SCNN1B: variants seen among roughly 807,000 people sequenced by gnomAD.
The protein encoded by SCNN1B is epithelial sodium channel subunit beta.
A neutral mutation model predicts 65.3 loss-of-function variants in SCNN1B; 46 were observed. The observed-to-expected ratio is 0.70, with a 90% CI of 0.56 to 0.90. SCNN1B has a LOEUF of 0.90. Ranked by LOEUF, SCNN1B falls within the 40% of genes least tolerant of loss-of-function variation. The pLI, the probability that SCNN1B is intolerant of heterozygous loss-of-function variation, is 0.00. For synonymous variants in SCNN1B, 349 were observed against 330.6 expected (o/e 1.06, Z -0.60); for missense variants, 751 against 830.5 (o/e 0.90, Z 1.18).
At chr16:23,351,693 G>A (rs1962312072) in intron 2 of SCNN1B, among the ~76,000 whole-genome samples, 1 of 152,204 alleles carries the variant, frequency 6.6e-6, no homozygotes, top group African/African-American at 2.4e-5. Context: ...AATTGGACAT[G>A]AAGTGACTGG....
rs1567290390 is a variant in SCNN1B, at chr16:23,305,565, TATATATATATA to T, written c.-9+3129_-9+3139del. 2.4e-4 allele frequency among the ~76,000 whole-genome samples: 13 copies of T among 54,196 alleles called. 1 individual carries two copies. The highest frequency in any genetic ancestry group is 1.2e-3 in the African/African-American group (13 of 10,482). 35.6% of individuals were successfully genotyped at this position (54,196 alleles called of 152,430 possible). On this transcript the variant is annotated intron_variant, in intron 1 of 12. Transcript: ENST00000343070. ...ATATATATATATATATATATATATA[TATATATATATA>T]TTATATATATATATATATATATAAC... is the stretch of plus-strand genomic sequence containing the variant.
intron 1 of SCNN1B, among the ~76,000 whole-genome samples, chr16:23,335,416 T>G (rs942939851): frequency 2.0e-5 from 3 of 151,438 alleles, no homozygotes; most frequent in African/African-American, 7.3e-5. Flanking sequence ...CCTCCCAAAG[T>G]GCTGGGATTA....
chr16:23,324,302 C>T (rs1045194759), intron 1 of SCNN1B, among the ~76,000 whole-genome samples: 8 of 151,988 alleles, frequency 5.3e-5, no homozygotes, highest in South Asian at 4.1e-4. Flanking sequence ...AACCTCTCAC[C>T]TCAGCCTCCC....
rs535147947 is a variant in SCNN1B, at chr16:23,293,689, G to A, written n.178+9885G>A. ...TGCCTGTGATCCCAGCACTTTGGGAGGCTGAGACATGAGGATCACTTGAGT... is the reference window on the plus strand; with the variant it reads ...TGCCTGTGATCCCAGCACTTTGGGAAGCTGAGACATGAGGATCACTTGAGT... On this transcript the variant is annotated intron_variant and non_coding_transcript_variant, in intron 2 of 3. Transcript: ENST00000569789. Among the ~76,000 whole-genome samples, 395 of 152,264 alleles carry A rather than the reference G, an allele frequency of 2.6e-3. 5 individuals carry two copies. The highest frequency in any genetic ancestry group is 8.9e-3 in the African/African-American group (368 of 41,554).
At chr16:23,365,419 GAGAA>G (rs1260593071) in intron 4 of SCNN1B, among the ~76,000 whole-genome samples, 4 of 141,944 alleles carry the variant, frequency 2.8e-5, no homozygotes, top group African/African-American at 2.6e-5. Flanking sequence ...GAGAAAGAAA[GAGAA>G]AGAAAGGAAG....
intron 1 of SCNN1B, among the ~76,000 whole-genome samples, chr16:23,309,547 C>A (rs1961296005): frequency 6.6e-6 from 1 of 152,166 alleles, no homozygotes; most frequent in African/African-American, 2.4e-5. Context: ...GTCCGAGCCC[C>A]AAAACAGAAG....
chr16:23,307,633 T>G (rs1035698646), intron 1 of SCNN1B, among the ~76,000 whole-genome samples: 4 of 152,198 alleles, frequency 2.6e-5, no homozygotes, highest in African/African-American at 4.8e-5. Context: ...TGTGCTCCTT[T>G]ATGCCCCTTG....
At chr16:23,340,897 A>AGT (rs60710187) in intron 1 of SCNN1B, among the ~76,000 whole-genome samples, 17,153 of 150,730 alleles carry the variant, frequency 0.11, 1,098 homozygotes, top group African/African-American at 0.17. Flanking sequence ...GTTGCTTTGA[A>AGT]GTGTGTGTGT....
In SCNN1B at chr16:23,292,772, A is replaced by G. The variant is rs538472916; in HGVS notation, n.178+8968A>G. The stretch of plus-strand genomic sequence containing the variant: ...GCCCACCTCGGCCTCCCAAAGTGCT[A>G]AGATTATGGGCATGAGCCACTGTGC... On this transcript the variant is annotated intron_variant and non_coding_transcript_variant, in intron 2 of 3. Coordinates refer to the SCNN1B transcript ENST00000569789. Among the ~76,000 whole-genome samples the G allele has an allele frequency of 1.5e-4, 22 of 150,522 alleles. No homozygotes were observed. The South Asian group carries it at 4.6e-3, about 31-fold the overall frequency.
Position 23,348,457 on chromosome 16 carries a change from G to T in SCNN1B, c.-8-135G>T. 2.9e-6 allele frequency: 2 copies of T among 690,756 alleles called. No homozygotes were observed. Among genetic ancestry groups the T allele is most frequent in the East Asian group, 2.8e-5 (1 of 35,680 alleles). 42.8% of individuals were successfully genotyped at this position (690,756 alleles called of 1,614,324 possible). On this transcript the variant is annotated intron_variant, in intron 1 of 12. Coordinates refer to ENST00000343070, the MANE Select transcript of SCNN1B (RefSeq NM_000336.3). This position sits in a 1 kb window ranked among gnomAD's most constrained non-coding sequence, Gnocchi z 4.5. ...GAAGGAAGAAAAGAAGGAAAAAAGG[G>T]AGGGAGGGAGGGGGGAGGGTAAAGA...
At chr16:23,285,857 C>T (rs1462928574) in intron 2 of SCNN1B, among the ~76,000 whole-genome samples, 4 of 151,982 alleles carry the variant, frequency 2.6e-5, no homozygotes, top group Non-Finnish European at 5.9e-5. Flanking sequence ...GCCTATAATC[C>T]CAGCTACTTG....
chr16:23,296,990 CAAAAAAA>C (rs57412418), intron 2 of SCNN1B, among the ~76,000 whole-genome samples: 2 of 81,864 alleles, frequency 2.4e-5, no homozygotes, highest in South Asian at 4.4e-4. Context: ...CATCTCAAAA[CAAAAAAA>C]AAAAAAAAAA....
intron 1 of SCNN1B, among the ~76,000 whole-genome samples, chr16:23,313,555 C>T (rs368865490): frequency 2.0e-4 from 30 of 152,220 alleles, no homozygotes; most frequent in African/African-American, 6.7e-4. Context: ...CTGATAGGGC[C>T]CAAATGGCTC....
Position 23,371,361 on chromosome 16 carries a change from G to A in SCNN1B, c.943G>A (p.Gly315Arg), listed in dbSNP as rs908355642. The A allele has an allele frequency of 1.1e-5, 17 of 1,614,132 alleles. No homozygotes were observed. The highest frequency in any genetic ancestry group is 1.4e-5 in the Non-Finnish European group (16 of 1,180,006). The part of the protein sequence containing the change: ...DYVPFLASTA[G>R]VRLMLHEQRS... Reference sequence around the variant, plus strand: ...CGTCCCCTTCCTTGCGTCCACGGCCGGGGTCAGGCTGATGCTTCACGAGCA... The same window carrying A: ...CGTCCCCTTCCTTGCGTCCACGGCCAGGGTCAGGCTGATGCTTCACGAGCA... The change falls in exon 6 of 13, where the codon GGG becomes AGG. Residue 315 changes from glycine (G) to arginine (R), a missense_variant. Transcript: ENST00000343070.
At chr16:23,377,455 G>A (rs1962925136) in intron 10 of SCNN1B, 69 bp downstream of exon 10, 1 of 1,493,490 alleles carries the variant, frequency 6.7e-7, no homozygotes, top group Non-Finnish European at 9.3e-7. Flanking sequence ...CATAAGATGT[G>A]GGCTATTTGG....
intron 1 of SCNN1B, among the ~76,000 whole-genome samples, chr16:23,324,140 A>G (rs1483650709): frequency 6.6e-6 from 1 of 151,942 alleles, no homozygotes; most frequent in Non-Finnish European, 1.5e-5. Context: ...CCAGCCAGTA[A>G]GAGATGGGAT....
upstream of SCNN1B, among the ~76,000 whole-genome samples, chr16:23,299,727 T>G (rs1443412765): frequency 6.6e-6 from 1 of 152,214 alleles, no homozygotes; most frequent in African/African-American, 2.4e-5. Flanking sequence ...ATAGGAACGC[T>G]TTTACACTGT....
chr16:23,344,960 C>A (rs1962154666), intron 1 of SCNN1B, among the ~76,000 whole-genome samples: 1 of 152,162 alleles, frequency 6.6e-6, no homozygotes, highest in South Asian at 2.1e-4. Flanking sequence ...TGCCACTGCA[C>A]CCCAGCCTGG....
chr16:23,377,102 G>T, intron 8 of SCNN1B, 63 bp from the exon 9 acceptor site: 3 of 1,448,326 alleles, frequency 2.1e-6, no homozygotes, highest in East Asian at 2.4e-5. Context: ...AGGCTCAGCA[G>T]GGAACAGGGG....
Sources: allele counts gnomAD v4.1 joint callset (sites outside exome capture counted in the v4.1 genomes callset), GRCh38; gene constraint gnomAD v4.1.1; non-coding constraint Gnocchi (gnomAD v3.1); transcripts MANE v1.5; gene names NCBI Gene and HGNC (gene_info 2026-07-23, HGNC 2026-07-21).